The following DGKB variants were observed in gnomAD, a reference collection of about 807,000 sequenced individuals.
DGKB encodes the protein diacylglycerol kinase beta.
DGKB carries 67 observed loss-of-function variants against 114.3 expected under a neutral mutation model. The observed-to-expected ratio is 0.59, with a 90% CI of 0.48 to 0.72. The LOEUF is 0.72. DGKB is among the 30% of genes least tolerant of loss of function. The pLI, the probability that DGKB is intolerant of heterozygous loss-of-function variation, is 0.00. For missense variants in DGKB, 907 were observed against 975.2 expected, an observed-to-expected ratio of 0.93 and a Z score of 0.93; for synonymous variants, 398 against 323.1, an observed-to-expected ratio of 1.23 and a Z score of -2.49.
chr7:14,732,087 A>T (rs4721363), intron 5 of DGKB, among the ~76,000 whole-genome samples: 97,879 of 151,972 alleles, frequency 0.64, 35,228 homozygotes, highest in Non-Finnish European at 0.81. Context: ...ATAAATACAT[A>T]CAACCTTTAT....
intron 21 of DGKB, among the ~76,000 whole-genome samples, chr7:14,453,963 T>C (rs183038181): frequency 3.2e-4 from 48 of 152,280 alleles, no homozygotes; most frequent in Admixed American, 2.6e-3. Context: ...GGGAGTACAA[T>C]TAAGGGTTTT....
intron 1 of DGKB, among the ~76,000 whole-genome samples, chr7:14,877,081 C>T (rs904346430): frequency 9.2e-5 from 14 of 152,154 alleles, no homozygotes; most frequent in Admixed American, 7.9e-4. Context: ...CACAGTTAAT[C>T]GAGAACTTTT....
chr7:14,598,139 C>A (rs1403704544), intron 17 of DGKB, among the ~76,000 whole-genome samples: 2 of 152,164 alleles, frequency 1.3e-5, no homozygotes, highest in Admixed American at 1.3e-4. Flanking sequence ...TCCAAATGAA[C>A]TTCCAAAAAA....
At chr7:14,295,277 T>C (rs1032954465) in intron 23 of DGKB, among the ~76,000 whole-genome samples, 3 of 152,204 alleles carry the variant, frequency 2.0e-5, no homozygotes, top group Non-Finnish European at 2.9e-5. Context: ...TATGTAACCA[T>C]CATTGTCTGA....
chr7:14,762,365 C>T (rs1835831968), intron 2 of DGKB, among the ~76,000 whole-genome samples: 1 of 152,054 alleles, frequency 6.6e-6, no homozygotes. Flanking sequence ...CTCATTTCGG[C>T]TGAGTCATGT....
intron 20 of DGKB, among the ~76,000 whole-genome samples, chr7:14,514,016 T>A (rs962332473): frequency 2.6e-5 from 4 of 151,996 alleles, no homozygotes; most frequent in African/African-American, 9.7e-5. Flanking sequence ...TTTTTATCAA[T>A]GTAAATTAAA....
intron 20 of DGKB, among the ~76,000 whole-genome samples, chr7:14,513,256 G>A (rs75576722): frequency 0.087 from 13,220 of 151,826 alleles, 965 homozygotes; most frequent in East Asian, 0.44. Flanking sequence ...CCATATTCAG[G>A]TGTATTACAT....
intron 4 of DGKB, 71 bp from the exon 5 acceptor site, chr7:14,736,265 A>C: frequency 9.8e-7 from 1 of 1,017,668 alleles, no homozygotes; most frequent in Non-Finnish European, 1.4e-6. Context: ...TGTGTTCAAA[A>C]TCATTAGAAG....
chr7:14,351,594 AT>A lies in DGKB; in HGVS notation c.1836-6204del, dbSNP rs769273678. On this transcript the variant is annotated intron_variant, in intron 21 of 25. Transcript: ENST00000402815. ...CCCAGTTGAATAAAATCAGCAATTT[AT>A]TTTTTTTTGATTGGCAACTATAAAT... 9.2e-5 allele frequency among the ~76,000 whole-genome samples: 14 copies of A among 151,488 alleles called. No homozygotes were observed. The South Asian group carries it at 1.3e-3, about 14-fold the overall frequency.
At chr7:14,784,341 T>C (rs926954249) in intron 2 of DGKB, among the ~76,000 whole-genome samples, 1 of 151,824 alleles carries the variant, frequency 6.6e-6, no homozygotes, top group African/African-American at 2.4e-5. Flanking sequence ...TTTTTGACCA[T>C]GTTCACCATC....
intron 23 of DGKB, among the ~76,000 whole-genome samples, chr7:14,253,715 C>T (rs982239063): frequency 5.3e-5 from 8 of 152,128 alleles, no homozygotes; most frequent in Non-Finnish European, 8.8e-5. Context: ...AAAATGACCT[C>T]TTTACTTTTT....
chr7:14,960,235 T>C (rs1248773572), intron 1 of DGKB, among the ~76,000 whole-genome samples: 1 of 152,106 alleles, frequency 6.6e-6, no homozygotes, highest in Non-Finnish European at 1.5e-5. Context: ...TTAGTTTACT[T>C]TGAAAATTTT....
At chr7:14,899,944 G>C (rs554850378) in intron 1 of DGKB, among the ~76,000 whole-genome samples, 1 of 152,004 alleles carries the variant, frequency 6.6e-6, no homozygotes, top group Non-Finnish European at 1.5e-5. Context: ...CACTAAATAC[G>C]TTGCTTTCAG....
At chr7:14,600,683 C>T (rs73289518) in intron 17 of DGKB, among the ~76,000 whole-genome samples, 1 of 152,156 alleles carries the variant, frequency 6.6e-6, no homozygotes, top group Admixed American at 6.5e-5. Flanking sequence ...AGTAACAAGT[C>T]CCAAGTAAGT....
intron 13 of DGKB, among the ~76,000 whole-genome samples, chr7:14,648,245 G>C (rs1813559885): frequency 6.6e-6 from 1 of 152,204 alleles, no homozygotes; most frequent in African/African-American, 2.4e-5. Flanking sequence ...AAATGTCCCT[G>C]TCTGACAGCT....
intron 21 of DGKB, among the ~76,000 whole-genome samples, chr7:14,393,216 C>T (rs1010968865): frequency 2.1e-4 from 32 of 151,588 alleles, no homozygotes; most frequent in Non-Finnish European, 4.3e-4. Flanking sequence ...GTCTCGATCT[C>T]CTGACCTCGT....
chr7:14,800,018 G>C (rs1391122288), intron 2 of DGKB, among the ~76,000 whole-genome samples: 1 of 152,078 alleles, frequency 6.6e-6, no homozygotes, highest in East Asian at 1.9e-4. Flanking sequence ...CTGGGTTCAA[G>C]TGATTCTCCT....
chr7:14,817,740 A>G (rs1222343892), intron 2 of DGKB, among the ~76,000 whole-genome samples: 1 of 152,182 alleles, frequency 6.6e-6, no homozygotes, highest in East Asian at 1.9e-4. Flanking sequence ...TGTTTAGATT[A>G]TATTGTCAAA....
At chr7:14,557,551 CTTAAT>C (rs1163310612) in intron 20 of DGKB, among the ~76,000 whole-genome samples, 4 of 151,712 alleles carry the variant, frequency 2.6e-5, no homozygotes, top group African/African-American at 7.3e-5. Flanking sequence ...CTAGTTCTTT[CTTAAT>C]TTGACTATTG....
Sources: gnomAD v4.1 joint callset for allele counts (sites outside exome capture counted in the v4.1 genomes callset) on GRCh38, gnomAD v4.1.1 for gene constraint, MANE v1.5 for transcripts, NCBI Gene and HGNC (gene_info 2026-07-23, HGNC 2026-07-21) for gene names.